MAPDA: variants seen among roughly 807,000 people sequenced by gnomAD.
MAPDA encodes the protein N6-Methyl-AMP deaminase.
At chr15:43,352,826 T>G in the MAPDA span, 3 of 152,200 alleles carry the variant, frequency 2.0e-5, no homozygotes, top group Non-Finnish European at 4.4e-5. Flanking sequence ...GGTGCTGAGA[T>G]CTGGTTTTGC....
the MAPDA span, chr15:43,353,014 C>T: frequency 2.0e-5 from 3 of 151,426 alleles, no homozygotes; most frequent in African/African-American, 7.3e-5. Context: ...GACATGATCA[C>T]AGATCACTGC....
At chr15:43,345,847 A>G in the MAPDA span, 7 of 1,613,960 alleles carry the variant, frequency 4.3e-6, no homozygotes, top group Non-Finnish European at 5.9e-6. Flanking sequence ...TCTTTCTTAC[A>G]TTAAAGGTAT....
At chr15:43,349,273 A>G in the MAPDA span, 2 of 1,254,546 alleles carry the variant, frequency 1.6e-6, no homozygotes, top group Non-Finnish European at 2.0e-6. Flanking sequence ...TCGTTGTTAC[A>G]TTCTCCAATG....
At chr15:43,342,446 T>A in the MAPDA span, among the ~76,000 whole-genome samples, 1,713 of 113,578 alleles carry the variant, frequency 0.015, 38 homozygotes, top group African/African-American at 0.05. Flanking sequence ...ATATCCCTTT[T>A]AAAAAAAAAA....
At chr15:43,341,673 C>A in the MAPDA span, among the ~76,000 whole-genome samples, 3 of 149,342 alleles carry the variant, frequency 2.0e-5, no homozygotes, top group African/African-American at 7.6e-5. Flanking sequence ...ACCCCCCCCA[C>A]CTCTATGGGC....
At chr15:43,330,527 T>C in the MAPDA span, 17 of 1,507,916 alleles carry the variant, frequency 1.1e-5, no homozygotes, top group Non-Finnish European at 1.4e-5. Context: ...CTGTCACGGT[T>C]GTGAGCCGCC....
the MAPDA span, among the ~76,000 whole-genome samples, chr15:43,334,633 T>TTATATATATATATATATTTA: frequency 3.1e-5 from 2 of 65,142 alleles, 1 homozygote; most frequent in Non-Finnish European, 9.3e-5. Context: ...CTCAAAAAAA[T>TTATATATATATATATATTTA]TATATATATA....
the MAPDA span, chr15:43,345,865 C>G: frequency 1.2e-6 from 2 of 1,614,128 alleles, no homozygotes; most frequent in Non-Finnish European, 1.7e-6. Context: ...TATTTGATAG[C>G]AGTTGACAGA....
the MAPDA span, chr15:43,351,026 T>A: frequency 6.4e-7 from 1 of 1,551,582 alleles, no homozygotes; most frequent in Non-Finnish European, 8.7e-7. Context: ...GCATTGCCCA[T>A]CCTTCTGTGA....
the MAPDA span, among the ~76,000 whole-genome samples, chr15:43,334,633 TTA>T: frequency 2.7e-3 from 174 of 65,172 alleles, 10 homozygotes; most frequent in Non-Finnish European, 3.7e-3. Context: ...CTCAAAAAAA[TTA>T]TATATATATA....
chr15:43,353,886 C>T, the MAPDA span: 1 of 152,186 alleles, frequency 6.6e-6, no homozygotes, highest in African/African-American at 2.4e-5. Context: ...TTATAATAAA[C>T]CAGTGAACCT....
the MAPDA span, among the ~76,000 whole-genome samples, chr15:43,348,598 T>C: frequency 2.0e-5 from 3 of 152,210 alleles, no homozygotes; most frequent in Non-Finnish European, 4.4e-5. Flanking sequence ...TACTTAATTT[T>C]TCTCAGCTTT....
At chr15:43,350,374 G>C in the MAPDA span, among the ~76,000 whole-genome samples, 1 of 151,754 alleles carries the variant, frequency 6.6e-6, no homozygotes, top group East Asian at 1.9e-4. Flanking sequence ...CACCATGCCC[G>C]GCCAATAGTA....
chr15:43,346,582 G>A, the MAPDA span, among the ~76,000 whole-genome samples: 1 of 152,238 alleles, frequency 6.6e-6, no homozygotes, highest in African/African-American at 2.4e-5. Flanking sequence ...CTGAATAAGA[G>A]AGTCCCATGA....
chr15:43,332,051 G>T, the MAPDA span: 2 of 152,208 alleles, frequency 1.3e-5, no homozygotes, highest in Non-Finnish European at 2.9e-5. Flanking sequence ...CGTATTAGTT[G>T]TGGGGATAGG....
chr15:43,354,479 A>G, the MAPDA span: 1 of 152,222 alleles, frequency 6.6e-6, no homozygotes, highest in Non-Finnish European at 1.5e-5. Flanking sequence ...TCATGATAAT[A>G]TATTCAATGA....
At chr15:43,343,080 G>A in the MAPDA span, 1 of 1,553,880 alleles carries the variant, frequency 6.4e-7, no homozygotes, top group Non-Finnish European at 8.7e-7. Flanking sequence ...TGTTAGGTAA[G>A]AAGATTGTAC....
chr15:43,345,292 T>G, the MAPDA span, among the ~76,000 whole-genome samples: 12 of 148,194 alleles, frequency 8.1e-5, no homozygotes, highest in African/African-American at 3.0e-4. Flanking sequence ...AGGCAGAGAT[T>G]GTAGTGAGCC....
chr15:43,332,784 A>T, the MAPDA span, among the ~76,000 whole-genome samples: 3 of 152,154 alleles, frequency 2.0e-5, no homozygotes, highest in Non-Finnish European at 4.4e-5. Context: ...GGAGCATGAA[A>T]AAAGTTCCCT....
Sources: allele counts gnomAD v4.1 joint callset (sites outside exome capture counted in the v4.1 genomes callset), GRCh38; gene constraint gnomAD v4.1.1; transcripts MANE v1.5; gene names NCBI Gene and HGNC (gene_info 2026-07-23, HGNC 2026-07-21).